The following AP2B1 variants were observed in gnomAD, a reference collection of about 807,000 sequenced individuals.
The protein encoded by AP2B1 is AP-2 complex subunit beta.
A neutral mutation model predicts 102.0 loss-of-function variants in AP2B1; 23 were observed. The observed-to-expected ratio is 0.23, with a 90% confidence interval of 0.16 to 0.32. The LOEUF (loss-of-function observed/expected upper bound fraction) is 0.32, where lower values mean the gene tolerates loss of function less well. Among genes scored for constraint, AP2B1 ranks in the 10% least tolerant of loss-of-function variants. AP2B1 has a pLI of 1.00. For synonymous variants in AP2B1, 381 were observed against 421.2 expected (o/e 0.90, Z 1.17); for missense variants, 541 against 1,157.4 (o/e 0.47, Z 7.73).
At chr17:35,613,337 T>C (rs1018956099) in intron 5 of AP2B1, among the ~76,000 whole-genome samples, 1 of 151,764 alleles carries the variant, frequency 6.6e-6, no homozygotes, top group African/African-American at 2.4e-5. Flanking sequence ...TGGTGTTATA[T>C]TGACCTCAAG....
At chr17:35,629,403 C>T (rs2074402890) in intron 9 of AP2B1, among the ~76,000 whole-genome samples, 1 of 152,048 alleles carries the variant, frequency 6.6e-6, no homozygotes, top group South Asian at 2.1e-4. Context: ...GTTTTTTCTA[C>T]TCTGACTGAT....
chr17:35,701,472 T>C (rs2076237413), intron 18 of AP2B1, among the ~76,000 whole-genome samples: 1 of 152,260 alleles, frequency 6.6e-6, no homozygotes, highest in Admixed American at 6.5e-5. Context: ...TTTGTTCTTA[T>C]GATAGTCTAC....
intron 10 of AP2B1, among the ~76,000 whole-genome samples, chr17:35,637,844 C>T (rs1481250356): frequency 6.6e-6 from 1 of 151,754 alleles, no homozygotes; most frequent in Non-Finnish European, 1.5e-5. Context: ...GCCACCACAC[C>T]CGGCTAATTT....
intron 6 of AP2B1, 65 bp from the exon 7 acceptor site, chr17:35,626,556 C>G: frequency 3.0e-6 from 4 of 1,343,296 alleles, no homozygotes; most frequent in Non-Finnish European, 4.2e-6. Context: ...GACATATTAC[C>G]TTATAGAATG....
At chr17:35,596,800 G>GC (rs1023976219) in intron 2 of AP2B1, 16 of 621,964 alleles carry the variant, frequency 2.6e-5, no homozygotes, top group African/African-American at 2.4e-4. Context: ...AGCTGCATGG[G>GC]CCCCCGCAGC....
chr17:35,707,133 C>T (rs1034355543), intron 18 of AP2B1, among the ~76,000 whole-genome samples: 6 of 113,226 alleles, frequency 5.3e-5, no homozygotes, highest in African/African-American at 2.0e-4. Flanking sequence ...CTGGTACATC[C>T]CTTGTTGTTG....
At position 35,663,672 on chromosome 17, in the gene AP2B1, G is replaced by T. The variant is rs150989445; in HGVS notation, c.1989+5881G>T. 6.8e-3 allele frequency among the ~76,000 whole-genome samples: 1,042 copies of T among 152,278 alleles called. 3 individuals are homozygous for T. Among genetic ancestry groups the T allele is most frequent in the Non-Finnish European group, 0.011 (747 of 68,018 alleles). The stretch of plus-strand genomic sequence containing the variant: ...CTTGCAGTGTCAGTCTTACTTGATG[G>T]TAAATAATGTAAACAGAATATACAC... On this transcript the variant is annotated intron_variant, in intron 14 of 21. Coordinates refer to ENST00000610402, the MANE Select transcript of AP2B1 (RefSeq NM_001030006.2).
At chr17:35,692,241 T>C (rs151073348) in intron 18 of AP2B1, among the ~76,000 whole-genome samples, 1,749 of 152,336 alleles carry the variant, frequency 0.011, 14 homozygotes, top group Middle Eastern at 0.041. Flanking sequence ...TAGAAATCTA[T>C]GCTGATATCC....
intron 9 of AP2B1, among the ~76,000 whole-genome samples, chr17:35,627,991 C>T (rs147911412): frequency 0.011 from 1,614 of 152,132 alleles, 23 homozygotes; most frequent in African/African-American, 0.029. Flanking sequence ...GTTCCACATC[C>T]GTGGATTCAG....
At chr17:35,613,624 C>CTT (rs1274284879) in intron 5 of AP2B1, among the ~76,000 whole-genome samples, 1 of 152,134 alleles carries the variant, frequency 6.6e-6, no homozygotes, top group Non-Finnish European at 1.5e-5. Flanking sequence ...AGGCTACTAT[C>CTT]TTAGAGAGTT....
At chr17:35,680,704 T>TTG (rs1567972359) in intron 17 of AP2B1, among the ~76,000 whole-genome samples, 3 of 148,016 alleles carry the variant, frequency 2.0e-5, no homozygotes, top group Non-Finnish European at 3.0e-5. Flanking sequence ...TTTTTTGTTT[T>TTG]TTTTTTTTTT....
chr17:35,614,269 C>G (rs1227916238), intron 5 of AP2B1, among the ~76,000 whole-genome samples: 1 of 152,118 alleles, frequency 6.6e-6, no homozygotes, highest in African/African-American at 2.4e-5. Flanking sequence ...TTGATCATAG[C>G]TCAGTGCAGC....
At chr17:35,621,007 C>G (rs1164795822) in intron 5 of AP2B1, among the ~76,000 whole-genome samples, 2 of 152,086 alleles carry the variant, frequency 1.3e-5, no homozygotes, top group African/African-American at 4.8e-5. Context: ...ACACCTTTGT[C>G]TTAGTATACA....
In AP2B1 at chr17:35,644,544, AT is replaced by A. The variant is rs556891338; in HGVS notation, c.1536+2587del. 7.3e-3 allele frequency among the ~76,000 whole-genome samples: 990 copies of A among 135,806 alleles called. 1 individual carries two copies. The highest frequency in any genetic ancestry group is 0.015 in the Middle Eastern group (4 of 260). 89.1% of individuals were successfully genotyped at this position (135,806 alleles called of 152,430 possible). On this transcript the variant is annotated intron_variant, in intron 12 of 21. Coordinates refer to ENST00000610402, the MANE Select transcript of AP2B1 (RefSeq NM_001030006.2). ...AGGTGCATGCCACCACGCCCAGCTA[AT>A]TTTTTTTTTTTTTTTTTCCAGTAGA...
chr17:35,627,617 C>G lies in AP2B1; in HGVS notation c.1060-14C>G, dbSNP rs776033835. 3 of 1,613,578 alleles carry G rather than the reference C, an allele frequency of 1.9e-6. No individual in the cohort carries two copies. The highest frequency in any genetic ancestry group is 2.5e-6 in the Non-Finnish European group (3 of 1,179,786). On this transcript the variant is annotated splice_polypyrimidine_tract_variant and intron_variant, in intron 8 of 21. Coordinates refer to ENST00000610402, the MANE Select transcript of AP2B1 (RefSeq NM_001030006.2). The stretch of plus-strand genomic sequence containing the variant: ...GAGAATCCTTAATGATTAACCACTT[C>G]CTGGGTTTAACAGGTTCTGGCAGAA...
At chr17:35,610,336 C>T (rs1203666036) in intron 5 of AP2B1, among the ~76,000 whole-genome samples, 1 of 151,798 alleles carries the variant, frequency 6.6e-6, no homozygotes, top group African/African-American at 2.4e-5. Context: ...TTAGTAGAGA[C>T]GACGTTGCAC....
chr17:35,652,208 C>A (rs554571088), intron 13 of AP2B1, among the ~76,000 whole-genome samples: 2 of 152,144 alleles, frequency 1.3e-5, no homozygotes, highest in South Asian at 4.1e-4. Context: ...TCCTTTTTGT[C>A]ATTTGTGCAT....
intron 9 of AP2B1, among the ~76,000 whole-genome samples, chr17:35,634,242 T>C (rs751114590): frequency 6.6e-6 from 1 of 152,254 alleles, no homozygotes; most frequent in Non-Finnish European, 1.5e-5. Flanking sequence ...ATTAGGCTTA[T>C]AGAATTTCCC....
chr17:35,605,308 G>C (rs564666686), intron 3 of AP2B1, among the ~76,000 whole-genome samples: 1 of 150,936 alleles, frequency 6.6e-6, no homozygotes. Flanking sequence ...GAGTGCAATG[G>C]TGTGATCTCA....
Sources: allele counts gnomAD v4.1 joint callset (sites outside exome capture counted in the v4.1 genomes callset), GRCh38; gene constraint gnomAD v4.1.1; transcripts MANE v1.5; gene names NCBI Gene and HGNC (gene_info 2026-07-23, HGNC 2026-07-21).